TPGS2: variants seen among roughly 807,000 people sequenced by gnomAD.
TPGS2 encodes polyglutamylase subunit 2.
In TPGS2, 26 loss-of-function variants were observed where a neutral mutation model predicts 31.1. The ratio of observed to expected loss-of-function variants is 0.84; its 90% CI spans 0.61 to 1.16. The LOEUF is 1.16. Among genes scored for constraint, TPGS2 ranks in the 50% most tolerant of loss-of-function variants. The probability of loss-of-function intolerance (pLI) is 0.00; values close to 1 mark genes in which losing one functional copy is unlikely to be tolerated. For missense variants in TPGS2, 351 were observed against 363.8 expected (o/e 0.96, Z 0.29); for synonymous variants, 130 against 136.6 (o/e 0.95, Z 0.34).
chr18:36,797,198 T>A, intron 6 of TPGS2, 148 bp from the exon 7 acceptor site: 1 of 1,456,098 alleles, frequency 6.9e-7, no homozygotes. Context: ...TGCTCTTCCT[T>A]TAAGTGGAGG....
rs371933653 is a variant in TPGS2 at position 36,807,853 on chromosome 18, G to C, written c.247C>G (p.Leu83Val). The C allele has an allele frequency of 1.2e-6, 2 of 1,614,098 alleles. No individual in the cohort carries two copies. Among genetic ancestry groups the C allele is most frequent in the African/African-American group, 2.7e-5 (2 of 75,050 alleles). Reference sequence around the variant, plus strand: ...TACAAGGAGGCTGACTCACCATCCAGCTTCACACTCCATGTCATGTGGAAG... The same window carrying C: ...TACAAGGAGGCTGACTCACCATCCACCTTCACACTCCATGTCATGTGGAAG... ...NGFHMTWSVK[L>V]DEHIIPLGSM... Residue 83 changes from leucine (L) to valine (V), a missense_variant, in exon 3 of 7, where the codon CTG becomes GTG. Transcript: ENST00000334295.
At chr18:36,808,309 C>G (rs1401331425) in intron 2 of TPGS2, among the ~76,000 whole-genome samples, 2 of 152,088 alleles carry the variant, frequency 1.3e-5, no homozygotes, top group Admixed American at 1.3e-4. Context: ...ACATATCAGA[C>G]CCATGGTCAT....
Position 36,794,620 on chromosome 18 carries a change from C to G in TPGS2, c.*2185G>C, listed in dbSNP as rs150360332. ...AATGCTAGAATCTCCTATCCAGTGC[C>G]GTTGGCTCTTCCTTTGATCAATTCT... On this transcript the variant is annotated 3_prime_UTR_variant, in exon 7 of 7. Transcript: ENST00000334295. The G allele has an allele frequency of 3.0e-6, 3 of 985,250 alleles. No individual in the cohort carries two copies. The highest frequency in any genetic ancestry group is 3.6e-6 in the Non-Finnish European group (3 of 829,930). The allele number at this position is 985,250 out of a possible 1,614,324, so 61.0% of individuals were successfully genotyped here.
chr18:36,805,308 C>T (rs2045060133), intron 4 of TPGS2, 66 bp downstream of exon 4: 3 of 1,560,706 alleles, frequency 1.9e-6, no homozygotes, highest in Non-Finnish European at 2.6e-6. Context: ...TCATTAAGTA[C>T]CTACTATGCG....
chr18:36,819,845 G>C (rs2045819746), intron 1 of TPGS2, among the ~76,000 whole-genome samples: 1 of 152,164 alleles, frequency 6.6e-6, no homozygotes, highest in Admixed American at 6.5e-5. Context: ...GTTTAGATGA[G>C]GTCATACTGA....
At chr18:36,785,938 A>G (rs772244331) in intron 6 of TPGS2, among the ~76,000 whole-genome samples, 89 of 152,290 alleles carry the variant, frequency 5.8e-4, no homozygotes, top group Non-Finnish European at 1.1e-3. Flanking sequence ...AAGTATACAT[A>G]CTCAACAGTT....
At chr18:36,802,159 T>A (rs980001228) in intron 4 of TPGS2, among the ~76,000 whole-genome samples, 1 of 152,256 alleles carries the variant, frequency 6.6e-6, no homozygotes, top group Non-Finnish European at 1.5e-5. Context: ...TTGTCATTGT[T>A]GCTCCAGGTG....
chr18:36,828,997 C>T lies in TPGS2; in HGVS notation c.-230G>A, dbSNP rs1418234381. The T allele has an allele frequency of 1.0e-5, 12 of 1,151,000 alleles. No homozygotes were observed. In the Admixed American group the frequency reaches 1.8e-4, roughly 17 times the overall value. The allele number at this position is 1,151,000 out of a possible 1,614,324, so 71.3% of individuals were successfully genotyped here. On this transcript the variant is annotated 5_prime_UTR_variant, in exon 1 of 7. Coordinates refer to ENST00000334295, the MANE Select transcript of TPGS2 (RefSeq NM_015476.4). ...CCGCACCTCCGGGACGTAGCTTCCC[C>T]TTCGCCCCCACCCTCTCGCCCCGCA... is the stretch of plus-strand genomic sequence containing the variant.
At chr18:36,797,794 T>C (rs1270245475) in intron 6 of TPGS2, among the ~76,000 whole-genome samples, 1 of 151,822 alleles carries the variant, frequency 6.6e-6, no homozygotes, top group Non-Finnish European at 1.5e-5. Context: ...TCAAACCAGG[T>C]TGTATACCTG....
In TPGS2 at chr18:36,795,586, T is replaced by C. The variant is rs1182201755; in HGVS notation, c.*1219A>G. On this transcript the variant is annotated 3_prime_UTR_variant, in exon 7 of 7. Transcript: ENST00000334295. ...GAGGAAATAAATAGGCATTCCTAATTGAAAATCTGAGCAACCTTCTCTGTA... is the reference window on the plus strand; with the variant it reads ...GAGGAAATAAATAGGCATTCCTAATCGAAAATCTGAGCAACCTTCTCTGTA... 2 of 985,366 alleles carry C rather than the reference T, an allele frequency of 2.0e-6. No homozygotes were observed. The highest frequency in any genetic ancestry group is 2.3e-4 in the East Asian group (2 of 8,828). 61.0% of individuals were successfully genotyped at this position (985,366 alleles called of 1,614,324 possible).
Position 36,805,511 on chromosome 18 carries a change from A to G in TPGS2, c.254-9T>C. ...CAGTGGAATGATGTGCTCTAGGGGA[A>G]CATGCGTTAAGGAGAATTACATGGA... On this transcript the variant is annotated splice_polypyrimidine_tract_variant and intron_variant, in intron 3 of 6. Coordinates refer to ENST00000334295, the MANE Select transcript of TPGS2 (RefSeq NM_015476.4). 1 of 1,613,956 alleles carries G rather than the reference A, an allele frequency of 6.2e-7. No individual in the cohort carries two copies. The highest frequency in any genetic ancestry group is 8.5e-7 in the Non-Finnish European group (1 of 1,179,878).
chr18:36,788,185 T>C (rs970271634), intron 6 of TPGS2, among the ~76,000 whole-genome samples: 1 of 152,012 alleles, frequency 6.6e-6, no homozygotes, highest in African/African-American at 2.4e-5. Flanking sequence ...GTGAAGATAG[T>C]TATTAAGGCC....
chr18:36,802,500 A>G (rs930216184), intron 4 of TPGS2, among the ~76,000 whole-genome samples: 1 of 151,412 alleles, frequency 6.6e-6, no homozygotes, highest in African/African-American at 2.4e-5. Flanking sequence ...TTTTTTTTTC[A>G]AATCTACAAT....
chr18:36,823,742 G>A, intron 1 of TPGS2: 1 of 802,388 alleles, frequency 1.2e-6, no homozygotes, highest in Non-Finnish European at 1.5e-6. Flanking sequence ...TTACAGGCGT[G>A]AGCCACCGCG....
chr18:36,794,559 T>C lies in TPGS2; in HGVS notation c.*2246A>G, dbSNP rs2044434168. Reference sequence around the variant, plus strand: ...GTGGAAGATGACATAACTTCTCAACTCCCTTCTAACCTCGCTTGTCTTGGA... The same window carrying C: ...GTGGAAGATGACATAACTTCTCAACCCCCTTCTAACCTCGCTTGTCTTGGA... On this transcript the variant is annotated 3_prime_UTR_variant, in exon 7 of 7. Coordinates refer to ENST00000334295, the MANE Select transcript of TPGS2 (RefSeq NM_015476.4). 1 of 985,232 alleles carries C rather than the reference T, an allele frequency of 1.0e-6. No homozygotes were observed. The highest frequency in any genetic ancestry group is 1.7e-5 in the African/African-American group (1 of 57,194). The allele number at this position is 985,232 out of a possible 1,614,324, so 61.0% of individuals were successfully genotyped here.
chr18:36,810,919 A>G (rs181372715), intron 2 of TPGS2, among the ~76,000 whole-genome samples: 1 of 151,866 alleles, frequency 6.6e-6, no homozygotes, highest in East Asian at 1.9e-4. Flanking sequence ...CACCTTTTCT[A>G]CTCCTGGACA....
chr18:36,814,027 T>TG (rs1459845001), intron 2 of TPGS2, among the ~76,000 whole-genome samples: 1 of 152,058 alleles, frequency 6.6e-6, no homozygotes, highest in African/African-American at 2.4e-5. Context: ...AAACTGAGTC[T>TG]GAAAAAAAAG....
At chr18:36,783,500 T>C (rs1179980222) in intron 6 of TPGS2, among the ~76,000 whole-genome samples, 1 of 152,228 alleles carries the variant, frequency 6.6e-6, no homozygotes. Context: ...AAGGTTTTTT[T>C]CTTTCTGTTT....
intron 6 of TPGS2, among the ~76,000 whole-genome samples, chr18:36,787,511 T>C (rs1258924750): frequency 6.6e-6 from 1 of 152,208 alleles, no homozygotes; most frequent in African/African-American, 2.4e-5. Flanking sequence ...AAGGGAATAA[T>C]TATAGTTTTT....
Sources: gnomAD v4.1 joint callset for allele counts (sites outside exome capture counted in the v4.1 genomes callset) on GRCh38, gnomAD v4.1.1 for gene constraint, MANE v1.5 for transcripts, NCBI Gene and HGNC (gene_info 2026-07-23, HGNC 2026-07-21) for gene names.